The following DNAH2 variants were observed in gnomAD, a reference collection of about 807,000 sequenced individuals.
DNAH2 encodes the protein axonemal beta dynein heavy chain 2.
Under a neutral mutation model 523.5 loss-of-function variants are expected in DNAH2, and 323 were observed. The observed-to-expected ratio is 0.62, with a 90% CI of 0.56 to 0.68. DNAH2 has a LOEUF of 0.68. DNAH2 is among the 30% of genes least tolerant of loss of function. DNAH2 has a pLI of 0.00. For missense variants in DNAH2, 4,907 were observed against 5,701.5 expected, an observed-to-expected ratio of 0.86 and a Z score of 4.49; for synonymous variants, 2,093 against 2,177.4, an observed-to-expected ratio of 0.96 and a Z score of 1.08.
Position 7,797,218 on chromosome 17 carries a change from A to G in DNAH2, c.7906A>G (p.Thr2636Ala). 1.2e-6 allele frequency: 2 copies of G among 1,613,842 alleles called. No homozygotes were observed. The highest frequency in any genetic ancestry group is 8.5e-7 in the Non-Finnish European group (1 of 1,179,988). Residue 2636 changes from threonine to alanine, a missense_variant, in exon 51 of 86, where the codon ACC (threonine) becomes GCC (alanine). Physicochemically the swap from Thr to Ala is moderately conservative, Grantham distance 58. This residue lies in a region of DNAH2 where 250 missense variants were observed against 371.3 expected (regional missense o/e 0.67). Coordinates refer to ENST00000572933, the MANE Select transcript of DNAH2 (RefSeq NM_020877.5). ...MLRANKDFHD[T>A]KSSITRLWIH... is the part of the protein sequence containing the mutation. ...TAGAGCCAACAAGGACTTCCATGATACCAAGTCCAGCATCACACGGCTCTG... is the reference window on the plus strand; with the variant it reads ...TAGAGCCAACAAGGACTTCCATGATGCCAAGTCCAGCATCACACGGCTCTG...
chr17:7,827,568 C>G (rs531256741), intron 77 of DNAH2, among the ~76,000 whole-genome samples: 1 of 152,038 alleles, frequency 6.6e-6, no homozygotes, highest in South Asian at 2.1e-4. Flanking sequence ...GCCTCAGTCT[C>G]CTGAGTAGCT....
chr17:7,792,651 C>T lies in DNAH2; in HGVS notation c.7146-6C>T, dbSNP rs1355549270. On this transcript the variant is annotated splice_polypyrimidine_tract_variant and splice_region_variant and intron_variant, in intron 46 of 85. Coordinates refer to ENST00000572933, the MANE Select transcript of DNAH2 (RefSeq NM_020877.5). ...TCCTTGAGAGCCGGCCCCTGCTCTT[C>T]CCTAGCGCCCCCTTCTATAAGATCA... The T allele has an allele frequency of 3.1e-6, 5 of 1,613,072 alleles. No homozygotes were observed. Among genetic ancestry groups the T allele is most frequent in the Non-Finnish European group, 3.4e-6 (4 of 1,179,430 alleles).
intron 69 of DNAH2, 63 bp from the exon 70 acceptor site, chr17:7,818,580 G>C: frequency 6.2e-7 from 1 of 1,605,964 alleles, no homozygotes; most frequent in Non-Finnish European, 8.5e-7. Context: ...AAGGTGGAAA[G>C]AGATGAGGAA....
In DNAH2 at chr17:7,792,975, C is replaced by T; in HGVS notation, c.7345-6C>T. ...CCCACACATTCATTCGGTACCTTTT[C>T]ACCAGACCACATCCAATAACGTGCA... On this transcript the variant is annotated splice_region_variant and splice_polypyrimidine_tract_variant and intron_variant, in intron 47 of 85. Coordinates refer to ENST00000572933, the MANE Select transcript of DNAH2 (RefSeq NM_020877.5). The T allele has an allele frequency of 6.2e-7, 1 of 1,606,396 alleles. No homozygotes were observed. Among genetic ancestry groups the T allele is most frequent in the African/African-American group, 1.3e-5 (1 of 74,946 alleles).
intron 20 of DNAH2, 64 bp from the exon 21 acceptor site, chr17:7,765,327 T>G: frequency 7.0e-7 from 1 of 1,426,150 alleles, no homozygotes; most frequent in Non-Finnish European, 9.5e-7. Flanking sequence ...CTCCTGGTCA[T>G]CCTCCACGCA....
At position 7,787,019 on chromosome 17, in the gene DNAH2, G is replaced by A. The variant is rs371514138; in HGVS notation, c.6589G>A (p.Ala2197Thr). Residue 2197 changes from alanine (A) to threonine (T), a missense_variant, in exon 42 of 86, where the codon GCG (alanine) becomes ACG (threonine). Ala to Thr is a moderately conservative substitution (Grantham distance 58, BLOSUM62 0). Around this residue, in one of 3 missense-constraint regions of DNAH2, gnomAD observed 2,806 missense variants for 3,190.8 expected, o/e 0.88. Coordinates refer to ENST00000572933, the MANE Select transcript of DNAH2 (RefSeq NM_020877.5). The part of the protein sequence containing the change: ...VLTLINGERI[A>T]MPEQVSLLFE... ...GACCCTCATCAACGGCGAGCGCATC[G>A]CGATGCCCGAGCAGGTCAGGGACGC... 10 of 1,613,958 alleles carry A rather than the reference G, an allele frequency of 6.2e-6. No individual in the cohort carries two copies. Among genetic ancestry groups the A allele is most frequent in the African/African-American group, 1.3e-5 (1 of 74,936 alleles).
intron 12 of DNAH2, among the ~76,000 whole-genome samples, chr17:7,745,869 G>A (rs1035238263): frequency 4.6e-5 from 7 of 151,602 alleles, no homozygotes; most frequent in East Asian, 1.9e-4. Flanking sequence ...CCTTCTACTC[G>A]CCAGGGGTCA....
At position 7,831,838 on chromosome 17, in the gene DNAH2, C is replaced by T; in HGVS notation, c.12726+63C>T. The T allele has an allele frequency of 6.8e-7, 1 of 1,469,944 alleles. No homozygotes were observed. The highest frequency in any genetic ancestry group is 9.4e-7 in the Non-Finnish European group (1 of 1,068,718). The allele number at this position is 1,469,944 out of a possible 1,614,324, so 91.1% of individuals were successfully genotyped here. A position where few individuals can be genotyped will look rare whatever the true frequency, so the allele number is the denominator to read the frequency against. On this transcript the variant is annotated intron_variant, in intron 82 of 85. Transcript: ENST00000572933. This position sits in a 1 kb window ranked among gnomAD's most constrained non-coding sequence, Gnocchi z 4.2. ...AGCTCCCCTCTCAATCCTGGGCCCCCCAATCTCCTGGTTCTAGGTGGGCAT... is the reference window on the plus strand; with the variant it reads ...AGCTCCCCTCTCAATCCTGGGCCCCTCAATCTCCTGGTTCTAGGTGGGCAT...
At chr17:7,802,665 T>C (rs1286499873) in intron 58 of DNAH2, among the ~76,000 whole-genome samples, 4 of 152,100 alleles carry the variant, frequency 2.6e-5, no homozygotes, top group Non-Finnish European at 5.9e-5. Flanking sequence ...CAAATTTTTT[T>C]GCAATTTTTT....
rs758890886 is a variant in DNAH2 at position 7,739,873 on chromosome 17, G to A, written c.1311G>A (p.Thr437=). The change falls in exon 9 of 86, where the codon ACG becomes ACA. Residue 437 remains threonine (T), a synonymous_variant. Coordinates refer to ENST00000572933, the MANE Select transcript of DNAH2 (RefSeq NM_020877.5). The part of the protein sequence containing the change: ...IEDIFHKNLH[T]LRAVRGGILD... Reference sequence around the variant, plus strand: ...ACATCTTTCATAAAAATCTGCACACGCTGCGAGCCGTTCGCGGGGGTATCC... The same window carrying A: ...ACATCTTTCATAAAAATCTGCACACACTGCGAGCCGTTCGCGGGGGTATCC... 35 of 1,613,834 alleles carry A rather than the reference G, an allele frequency of 2.2e-5. No individual in the cohort carries two copies. The highest frequency in any genetic ancestry group is 2.7e-5 in the Non-Finnish European group (32 of 1,179,984).
chr17:7,740,554 G>T lies in DNAH2; in HGVS notation c.1506+5G>T, dbSNP rs1175920490. On this transcript the variant is annotated splice_donor_5th_base_variant and intron_variant, in intron 10 of 85. Transcript: ENST00000572933. ...CACAGGCTTGCCTCCCGCGAGGTGC[G>T]GCTGCCCCGCGGCTTCCTCGGCTTC... 1 of 1,612,576 alleles carries T rather than the reference G, an allele frequency of 6.2e-7. No homozygotes were observed. The highest frequency in any genetic ancestry group is 1.3e-5 in the African/African-American group (1 of 74,938).
chr17:7,734,802 A>G (rs560069117), intron 7 of DNAH2, 94 bp downstream of exon 7: 4 of 1,332,510 alleles, frequency 3.0e-6, no homozygotes, highest in Non-Finnish European at 4.2e-6. Flanking sequence ...AGCCAAGGCA[A>G]TCTTCGATAG....
At chr17:7,730,323 T>C (rs147906156) in intron 4 of DNAH2, among the ~76,000 whole-genome samples, 1 of 152,268 alleles carries the variant, frequency 6.6e-6, no homozygotes, top group Non-Finnish European at 1.5e-5. Flanking sequence ...TCACCGTGTA[T>C]GCAGAAGAAA....
At chr17:7,825,490 T>C (rs2077994194) in intron 77 of DNAH2, among the ~76,000 whole-genome samples, 1 of 152,192 alleles carries the variant, frequency 6.6e-6, no homozygotes, top group Non-Finnish European at 1.5e-5. Flanking sequence ...CAGTCGACTG[T>C]CCCTTTCCCT....
rs2076907780 is a variant in DNAH2 at position 7,791,923 on chromosome 17, C to T, written c.6907C>T (p.Pro2303Ser). Residue 2303 changes from proline (P) to serine (S), a missense_variant, in exon 45 of 86, where the codon CCA (proline) becomes TCA (serine). Physicochemically the swap from Pro to Ser is moderately conservative, Grantham distance 74 (BLOSUM62 -1). Around this residue, in one of 3 missense-constraint regions of DNAH2, gnomAD observed 2,806 missense variants for 3,190.8 expected, o/e 0.88. Coordinates refer to ENST00000572933, the MANE Select transcript of DNAH2 (RefSeq NM_020877.5). Reference sequence around the variant, plus strand: ...CTTCTCGTTCTCCATCCAGGTGAACCCAGCTGACGGCGAGAACTATGTCAC... The same window carrying T: ...CTTCTCGTTCTCCATCCAGGTGAACTCAGCTGACGGCGAGAACTATGTCAC... The part of the protein sequence containing the change: ...ALATPENGVN[P>S]ADGENYVTMV... 3 of 1,613,178 alleles carry T rather than the reference C, an allele frequency of 1.9e-6. No homozygotes were observed. Among genetic ancestry groups the T allele is most frequent in the Non-Finnish European group, 2.5e-6 (3 of 1,179,630 alleles).
Position 7,788,080 on chromosome 17 carries a change from C to T in DNAH2, c.6742-6C>T, listed in dbSNP as rs373760748. 3.7e-6 allele frequency: 6 copies of T among 1,613,966 alleles called. No homozygotes were observed. The highest frequency in any genetic ancestry group is 1.1e-5 in the South Asian group (1 of 91,060). On this transcript the variant is annotated splice_polypyrimidine_tract_variant and splice_region_variant and intron_variant, in intron 43 of 85. Transcript: ENST00000572933. ...GAATGAAGAGCCCCTTCTTATTCAA[C>T]TCCAGGCTGAGGTGGAGCCCCTTCA...
chr17:7,795,292 A>G (rs2077030996), intron 49 of DNAH2, among the ~76,000 whole-genome samples: 1 of 152,154 alleles, frequency 6.6e-6, no homozygotes, highest in South Asian at 2.1e-4. Context: ...CCTAAGGGGA[A>G]AGGAGAAATC....
In DNAH2 at chr17:7,833,181, C is replaced by T; in HGVS notation, c.13089C>T (p.Ile4363=). ...AGCTTGTCTGCCTCATGCCCACGAT[C>T]CACTTCCGGCCTGCAGAGAGCCGCA... ...PMQLVCLMPT[I]HFRPAESRKK... is the part of the protein sequence containing the mutation. Residue 4363 remains isoleucine (I), a synonymous_variant, in exon 85 of 86, where the codon ATC becomes ATT. Transcript: ENST00000572933. The T allele has an allele frequency of 1.2e-6, 2 of 1,608,810 alleles. No homozygotes were observed. Among genetic ancestry groups the T allele is most frequent in the Non-Finnish European group, 1.7e-6 (2 of 1,180,008 alleles).
In DNAH2 at chr17:7,807,339, G is replaced by T. The variant is rs1002014900; in HGVS notation, c.9612+20G>T. On this transcript the variant is annotated intron_variant, in intron 62 of 85. Transcript: ENST00000572933. This position sits in a 1 kb window ranked among gnomAD's most constrained non-coding sequence, Gnocchi z 5.6. ...ATGGAGGTAAAGGCGTCAGGGCTGGGGCGGGGCGGTAGGGAGGGCAGGCCT... is the reference window on the plus strand; with the variant it reads ...ATGGAGGTAAAGGCGTCAGGGCTGGTGCGGGGCGGTAGGGAGGGCAGGCCT... The T allele has an allele frequency of 6.2e-7, 1 of 1,608,386 alleles. No homozygotes were observed. The highest frequency in any genetic ancestry group is 1.3e-5 in the African/African-American group (1 of 74,860).
Sources: gnomAD v4.1 joint callset for allele counts (sites outside exome capture counted in the v4.1 genomes callset) on GRCh38, gnomAD v4.1.1 for gene constraint, gnomAD v4.1.1 regional missense constraint, Gnocchi (gnomAD v3.1) non-coding constraint, MANE v1.5 for transcripts, NCBI Gene and HGNC (gene_info 2026-07-23, HGNC 2026-07-21) for gene names.